TTN: variants seen among roughly 807,000 people sequenced by gnomAD.
TTN encodes the protein titin.
TTN carries 1,525 observed loss-of-function variants against 3,223.0 expected under a neutral mutation model. The observed-to-expected ratio is 0.47, with a 90% CI of 0.45 to 0.49. The LOEUF is 0.49. Ranked by LOEUF, TTN falls within the 20% of genes least tolerant of loss-of-function variation. The pLI is 0.00. For synonymous variants in TTN, 14,094 were observed against 15,161.0 expected (o/e 0.93, Z 5.17); for missense variants, 40,786 against 43,424.0 (o/e 0.94, Z 5.40).
intron 142 of TTN, 139 bp downstream of exon 142, chr2:178,679,199 TC>T: frequency 1.2e-6 from 1 of 817,850 alleles, no homozygotes; most frequent in Non-Finnish European, 2.0e-6. Flanking sequence ...GGTAAACTGC[TC>T]CTGTGGCCAG....
chr2:178,793,666 G>A, intron 8 of TTN, 125 bp from the exon 9 acceptor site: 1 of 1,299,952 alleles, frequency 7.7e-7, no homozygotes. Context: ...TGGGTGTGGT[G>A]GCGCACACCT....
At chr2:178,622,374 G>T (rs1190826581) in intron 243 of TTN, among the ~76,000 whole-genome samples, 1 of 151,838 alleles carries the variant, frequency 6.6e-6, no homozygotes. Flanking sequence ...TTAGTTGAAA[G>T]AAATATAATT....
At position 178,577,071 on chromosome 2, in the gene TTN, T is replaced by A; in HGVS notation, c.69264A>T (p.Thr23088=). ...EKRETSRLLW[T]VVSEDIQSCR... Reference sequence around the variant, plus strand: ...AAGACTGAATATCTTCAGAAACCACTGTCCACAAAAGTCGGCTGGTTTCTC... The same window carrying A: ...AAGACTGAATATCTTCAGAAACCACAGTCCACAAAAGTCGGCTGGTTTCTC... Residue 23088 remains threonine (T), a synonymous_variant, in exon 324 of 363, where the codon ACA becomes ACT. Transcript: ENST00000589042. 6.2e-7 allele frequency: 1 copy of A among 1,613,386 alleles called. No individual in the cohort carries two copies. Among genetic ancestry groups the A allele is most frequent in the East Asian group, 2.2e-5 (1 of 44,786 alleles).
At chr2:178,720,750 GGT>G in intron 79 of TTN, 87 bp from the exon 80 acceptor site, 1 of 1,409,818 alleles carries the variant, frequency 7.1e-7, no homozygotes, top group Non-Finnish European at 9.4e-7. Context: ...AAGAGTGACT[GGT>G]GTGATCATAT....
At chr2:178,643,365 T>G (rs1391368901) in intron 218 of TTN, among the ~76,000 whole-genome samples, 1 of 152,002 alleles carries the variant, frequency 6.6e-6, no homozygotes, top group Non-Finnish European at 1.5e-5. Flanking sequence ...ATAATCATTT[T>G]TTTAATGTCA....
At chr2:178,676,755 A>G (rs529773678) in intron 147 of TTN, among the ~76,000 whole-genome samples, 6 of 152,036 alleles carry the variant, frequency 3.9e-5, no homozygotes, top group East Asian at 3.9e-4. Context: ...ATTAGAAGAC[A>G]TAACTATTAT....
chr2:178,684,159 C>T, intron 132 of TTN, 77 bp from the exon 133 acceptor site: 1 of 1,467,394 alleles, frequency 6.8e-7, no homozygotes, highest in Non-Finnish European at 9.4e-7. Context: ...AGTAGTAGCC[C>T]AAACATAAAC....
chr2:178,773,503 A>G lies in TTN; in HGVS notation c.7553T>C (p.Ile2518Thr), dbSNP rs1319910280. The stretch of plus-strand genomic sequence containing the variant: ...ACAGTTGGTTTCAACTCTGCCAACT[A>G]TCAGCTTGTAAGGTCCTTCGTCTGA... ...HASDEGPYKL[I>T]VGRVETNCNL... is the part of the protein sequence containing the mutation. Residue 2518 changes from isoleucine (I) to threonine (T), a missense_variant, in exon 32 of 363, where the codon ATA becomes ACA. Coordinates refer to ENST00000589042, the MANE Select transcript of TTN (RefSeq NM_001267550.2). The G allele has an allele frequency of 2.5e-6, 4 of 1,613,964 alleles. No individual in the cohort carries two copies. Among genetic ancestry groups the G allele is most frequent in the Admixed American group, 3.3e-5 (2 of 59,990 alleles).
chr2:178,564,055 A>C lies in TTN; in HGVS notation c.82077T>G (p.Ser27359=), dbSNP rs1422013634. The change falls in exon 326 of 363, where the codon TCT becomes TCG. Residue 27359 remains serine (S), a synonymous_variant. Coordinates refer to ENST00000589042, the MANE Select transcript of TTN (RefSeq NM_001267550.2). ...CAAGTACCTTTACAGTGATGGGTAT[A>C]GACTTTGTACCACCAACATTGCTGA... ...LKLSNVGGTK[S]IPITVKVLDR... 7 of 1,613,656 alleles carry C rather than the reference A, an allele frequency of 4.3e-6. No individual in the cohort carries two copies. The highest frequency in any genetic ancestry group is 1.3e-5 in the African/African-American group (1 of 74,928).
rs367635778 is a variant in TTN at position 178,727,266 on chromosome 2, A to G, written c.20099T>C (p.Val6700Ala). 6 of 1,613,076 alleles carry G rather than the reference A, an allele frequency of 3.7e-6. No homozygotes were observed. The highest frequency in any genetic ancestry group is 5.1e-6 in the Non-Finnish European group (6 of 1,179,436). The change falls in exon 69 of 363, where the codon GTG becomes GCG. Residue 6700 changes from valine (V) to alanine (A), a missense_variant. Val to Ala is a moderately conservative substitution (Grantham distance 64). Coordinates refer to ENST00000589042, the MANE Select transcript of TTN (RefSeq NM_001267550.2). The part of the protein sequence containing the change: ...KIAGSPEIRV[V>A]WFRNEHELPA... Reference sequence around the variant, plus strand: ...AAGTTCATGTTCATTTCGGAACCACACAACTCTGATTTCTGGGGATCCAGC... The same window carrying G: ...AAGTTCATGTTCATTTCGGAACCACGCAACTCTGATTTCTGGGGATCCAGC...
Position 178,777,478 on chromosome 2 carries a change from A to G in TTN, c.4587T>C (p.Thr1529=). Residue 1529 remains threonine, a synonymous_variant, in exon 26 of 363, where the codon ACT becomes ACC. Coordinates refer to ENST00000589042, the MANE Select transcript of TTN (RefSeq NM_001267550.2). ...PATPSDSGEW[T]VVAQNRAGRS... is the part of the protein sequence containing the mutation. ...TGCCTGCCCTGTTTTGGGCAACCAC[A>G]GTCCATTCCCCAGAATCACTGGGTG... is the stretch of plus-strand genomic sequence containing the variant. The G allele has an allele frequency of 6.2e-7, 1 of 1,613,998 alleles. No individual in the cohort carries two copies. Among genetic ancestry groups the G allele is most frequent in the Non-Finnish European group, 8.5e-7 (1 of 1,179,946 alleles).
chr2:178,752,202 T>C (rs1362366858), intron 47 of TTN, among the ~76,000 whole-genome samples: 1 of 152,052 alleles, frequency 6.6e-6, no homozygotes, highest in Non-Finnish European at 1.5e-5. Context: ...CGCAACACCA[T>C]GCTCTGTTTA....
intron 69 of TTN, chr2:178,726,489 A>G (rs1468836661): frequency 6.5e-6 from 1 of 153,842 alleles, no homozygotes; most frequent in Non-Finnish European, 1.4e-5. Context: ...GCAAATGATT[A>G]CTGCAATAAT....
At chr2:178,685,188 A>G (rs2070529026) in intron 129 of TTN, 65 bp downstream of exon 129, 2 of 1,369,840 alleles carry the variant, frequency 1.5e-6, no homozygotes, top group Admixed American at 2.4e-5. Context: ...CAGTTATGCA[A>G]ATGTGAAGGT....
chr2:178,591,321 A>G lies in TTN; in HGVS notation c.60404T>C (p.Val20135Ala). The G allele has an allele frequency of 6.2e-7, 1 of 1,613,362 alleles. No homozygotes were observed. The highest frequency in any genetic ancestry group is 8.5e-7 in the Non-Finnish European group (1 of 1,179,498). ...CCTTAAGCAGTTCTTAATGGTAAGT[A>G]CTGATGAGAAGTTGTCTGTTTCAAC... ...YTVETDNFSSVLTIKNCLRRD... is the reference protein window; with the variant it reads ...YTVETDNFSSALTIKNCLRRD... The change falls in exon 304 of 363, where the codon GTA becomes GCA. Residue 20135 changes from valine (V) to alanine (A), a missense_variant. Transcript: ENST00000589042.
chr2:178,770,772 A>G, intron 34 of TTN, 97 bp from the exon 35 acceptor site: 1 of 1,433,720 alleles, frequency 7.0e-7, no homozygotes. Flanking sequence ...CCTGCAAAAG[A>G]ATGGCTACCA....
intron 45 of TTN, among the ~76,000 whole-genome samples, 173 bp downstream of exon 45, chr2:178,757,369 T>C (rs1482509881): frequency 6.6e-6 from 1 of 152,162 alleles, no homozygotes; most frequent in Non-Finnish European, 1.5e-5. Flanking sequence ...ATTTAAAGTA[T>C]GTAGGTTAAC....
At chr2:178,750,045 C>T in intron 47 of TTN, 1 of 1,613,198 alleles carries the variant, frequency 6.2e-7, no homozygotes, top group Non-Finnish European at 8.5e-7. Flanking sequence ...TCTTTAGACT[C>T]TTTATCCTGT....
intron 215 of TTN, 28 bp from the exon 216 acceptor site, chr2:178,646,587 A>C: frequency 4.3e-6 from 6 of 1,394,860 alleles, no homozygotes; most frequent in Non-Finnish European, 5.9e-6. Context: ...AAAGGAGATG[A>C]GGTTGCAATG....
Sources: gnomAD v4.1 joint callset for allele counts (sites outside exome capture counted in the v4.1 genomes callset) on GRCh38, gnomAD v4.1.1 for gene constraint, MANE v1.5 for transcripts, NCBI Gene and HGNC (gene_info 2026-07-23, HGNC 2026-07-21) for gene names.